The following CASP14 variants were observed in gnomAD, a reference collection of about 807,000 sequenced individuals.
The protein encoded by CASP14 is caspase 14, also known as caspase-14.
CASP14 carries 27 observed loss-of-function variants against 28.4 expected under a neutral mutation model. The ratio of observed to expected loss-of-function variants is 0.95; its 90% CI spans 0.70 to 1.31. CASP14 has a LOEUF of 1.31. CASP14 is among the 50% of genes most tolerant of loss of function. The pLI, the probability that CASP14 is intolerant of heterozygous loss-of-function variation, is 0.00. For synonymous variants in CASP14, 115 were observed against 118.6 expected (o/e 0.97, Z 0.20); for missense variants, 323 against 312.8 (o/e 1.03, Z -0.25).
intron 1 of CASP14, among the ~76,000 whole-genome samples, chr19:15,051,502 C>CAAAA (rs3040744): frequency 0.23 from 19,101 of 84,284 alleles, 2,739 homozygotes; most frequent in East Asian, 0.32. Flanking sequence ...GATTCTGTCT[C>CAAAA]AAAAAAAAAA....
chr19:15,053,436 C>G, intron 2 of CASP14, 46 bp from the exon 3 acceptor site: 1 of 1,611,028 alleles, frequency 6.2e-7, no homozygotes, highest in Non-Finnish European at 8.5e-7. Context: ...ACATCTGCTT[C>G]TCCTTGAACC....
At chr19:15,054,529 G>A (rs2046106675) in intron 4 of CASP14, among the ~76,000 whole-genome samples, 1 of 152,094 alleles carries the variant, frequency 6.6e-6, no homozygotes, top group African/African-American at 2.4e-5. Context: ...GCTGCAGTGA[G>A]CTATGATTAC....
chr19:15,056,102 C>G lies in CASP14; in HGVS notation c.*13C>G. 6.4e-7 allele frequency: 1 copy of G among 1,555,446 alleles called. No individual in the cohort carries two copies. The highest frequency in any genetic ancestry group is 8.8e-7 in the Non-Finnish European group (1 of 1,140,734). ...GTATCTGCAGTAGAAGTAGAAAGAC[C>G]AGGAGGAGCTTTCCTTCCAGCATTC... On this transcript the variant is annotated 3_prime_UTR_variant, in exon 7 of 7. Transcript: ENST00000427043.
chr19:15,053,390 G>A, intron 2 of CASP14, 92 bp from the exon 3 acceptor site: 1 of 1,520,040 alleles, frequency 6.6e-7, no homozygotes, highest in Non-Finnish European at 9.0e-7. Flanking sequence ...TCACAGGCAT[G>A]AGCCACCACA....
chr19:15,049,525 C>G lies in CASP14; in HGVS notation c.-167C>G, dbSNP rs908460156. The G allele has an allele frequency of 6.6e-6, 1 of 152,172 alleles. No homozygotes were observed. Among genetic ancestry groups the G allele is most frequent in the Non-Finnish European group, 1.5e-5 (1 of 68,044 alleles). The allele number at this position is 152,172 out of a possible 1,614,324, so 9.4% of individuals were successfully genotyped here. On this transcript the variant is annotated 5_prime_UTR_variant, in exon 1 of 7. Transcript: ENST00000427043. Reference sequence around the variant, plus strand: ...GAAACCCCGGGAGATTCCACACTGTCAGCCCCTTCTCCAAGATCAGTACGT... The same window carrying G: ...GAAACCCCGGGAGATTCCACACTGTGAGCCCCTTCTCCAAGATCAGTACGT...
In CASP14 at chr19:15,053,767, C is replaced by G. The variant is rs370807238; in HGVS notation, c.212C>G (p.Ala71Gly). The G allele has an allele frequency of 1.2e-6, 2 of 1,613,782 alleles. No individual in the cohort carries two copies. The highest frequency in any genetic ancestry group is 1.7e-4 in the Middle Eastern group (1 of 6,060). Residue 71 changes from alanine (A) to glycine (G), a missense_variant, in exon 4 of 7, where the codon GCC becomes GGC. Ala to Gly is a moderately conservative substitution (Grantham distance 60). Transcript: ENST00000427043. ...GAAGAGCTGGAAAAATTCCAGCAGG[C>G]CATCGATTCCCGGGAAGATCCCGTC... ...FQEELEKFQQ[A>G]IDSREDPVSC...
At chr19:15,054,205 C>A (rs761175301) in intron 4 of CASP14, among the ~76,000 whole-genome samples, 1 of 152,120 alleles carries the variant, frequency 6.6e-6, no homozygotes, top group Non-Finnish European at 1.5e-5. Flanking sequence ...AACTCCTGAG[C>A]TCAAGCAATC....
In CASP14 at chr19:15,055,451, AT is replaced by A; in HGVS notation, c.543del (p.Gln182ArgfsTer25). On this transcript the variant is annotated frameshift_variant, in exon 6 of 7. Transcript: ENST00000427043. LOFTEE classifies it high-confidence loss of function. ...CCAGGATACATCGCCTACCGACATG[AT>A]CAGAAAGGCTCATGCTTTATCCAGA... ...TVEGYIAYRH[D>X]QKGSCFIQTL... The A allele has an allele frequency of 6.2e-7, 1 of 1,614,044 alleles. No individual in the cohort carries two copies. Among genetic ancestry groups the A allele is most frequent in the South Asian group, 1.1e-5 (1 of 91,076 alleles).
intron 1 of CASP14, among the ~76,000 whole-genome samples, chr19:15,049,891 C>T (rs936776584): frequency 1.3e-5 from 2 of 152,040 alleles, no homozygotes; most frequent in Admixed American, 1.3e-4. Flanking sequence ...CACCTCTGTG[C>T]TCCCTGCCAC....
rs2046124830 is a variant in CASP14, at chr19:15,057,865, G to A, written c.*1776G>A. On this transcript the variant is annotated 3_prime_UTR_variant, in exon 7 of 7. Coordinates refer to ENST00000427043, the MANE Select transcript of CASP14 (RefSeq NM_012114.3). ...ATCATGCCAGTGCATCCCAGCTCTA[G>A]GTGAGACAGTGAGATCCGGTCTCCA... The A allele has an allele frequency of 6.6e-6, 1 of 152,230 alleles. No homozygotes were observed. Among genetic ancestry groups the A allele is most frequent in the South Asian group, 2.1e-4 (1 of 4,836 alleles). The allele number at this position is 152,230 out of a possible 1,614,324, so 9.4% of individuals were successfully genotyped here.
chr19:15,051,590 T>A (rs1035197704), intron 1 of CASP14, among the ~76,000 whole-genome samples: 1 of 149,424 alleles, frequency 6.7e-6, no homozygotes, highest in African/African-American at 2.5e-5. Context: ...GCCAAGAGTA[T>A]GACAAAAGTC....
At position 15,057,869 on chromosome 19, in the gene CASP14, A is replaced by C. The variant is rs2046124845; in HGVS notation, c.*1780A>C. On this transcript the variant is annotated 3_prime_UTR_variant, in exon 7 of 7. Coordinates refer to ENST00000427043, the MANE Select transcript of CASP14 (RefSeq NM_012114.3). ...TGCCAGTGCATCCCAGCTCTAGGTG[A>C]GACAGTGAGATCCGGTCTCCAAAAT... is the stretch of plus-strand genomic sequence containing the variant. The C allele has an allele frequency of 6.6e-6, 1 of 152,346 alleles. No homozygotes were observed. Among genetic ancestry groups the C allele is most frequent in the Non-Finnish European group, 1.5e-5 (1 of 68,070 alleles). 9.4% of individuals were successfully genotyped at this position (152,346 alleles called of 1,614,324 possible).
intron 4 of CASP14, among the ~76,000 whole-genome samples, chr19:15,054,619 A>T (rs1168631903): frequency 6.7e-6 from 1 of 149,750 alleles, no homozygotes; most frequent in African/African-American, 2.5e-5. Flanking sequence ...CCCACTGCAC[A>T]TGGCATACCA....
intron 2 of CASP14, among the ~76,000 whole-genome samples, chr19:15,052,998 C>A (rs1303687103): frequency 6.6e-6 from 1 of 152,116 alleles, no homozygotes; most frequent in Non-Finnish European, 1.5e-5. Flanking sequence ...ATATCCCATG[C>A]AATATTTGGG....
Position 15,055,160 on chromosome 19 carries a change from C to T in CASP14, c.406C>T (p.Gln136Ter). 1 of 1,613,406 alleles carries T rather than the reference C, an allele frequency of 6.2e-7. No homozygotes were observed. The highest frequency in any genetic ancestry group is 8.5e-7 in the Non-Finnish European group (1 of 1,179,386). The stretch of plus-strand genomic sequence containing the variant: ...TCCTCCTCTTCTTGTTGTTTCAGAA[C>T]AAAGGGACCCCGGTGAAACAGTAGG... ...VYIIQACRGE[Q>*]RDPGETVGGD... The change falls in exon 5 of 7, where the codon CAA becomes TAA. Residue 136 changes from glutamine (Q) to a stop codon, truncating the protein, a stop_gained and splice_region_variant. Transcript: ENST00000427043. LOFTEE classifies it high-confidence loss of function.
In CASP14 at chr19:15,055,822, T is replaced by TA. The variant is rs369413065; in HGVS notation, c.625-157dup. On this transcript the variant is annotated intron_variant, in intron 6 of 6. Coordinates refer to ENST00000427043, the MANE Select transcript of CASP14 (RefSeq NM_012114.3). ...TTATATGTTTTTATTGCAAATTATT[T>TA]AAAAAATGCCCAGCCAAGGATTCCA... Among the ~76,000 whole-genome samples, 458 of 152,208 alleles carry TA rather than the reference T, an allele frequency of 3.0e-3. 3 individuals are homozygous for TA. Among genetic ancestry groups the TA allele is most frequent in the African/African-American group, 0.01 (418 of 41,528 alleles).
At chr19:15,054,943 T>C in intron 4 of CASP14, 1 of 522,932 alleles carries the variant, frequency 1.9e-6, no homozygotes, top group Non-Finnish European at 3.5e-6. Context: ...GCCCAGCCCT[T>C]ACCTTTCTTT....
intron 2 of CASP14, 62 bp downstream of exon 2, chr19:15,052,340 A>C: frequency 6.8e-7 from 1 of 1,463,358 alleles, no homozygotes; most frequent in Non-Finnish European, 9.1e-7. Context: ...TGAGGATTTT[A>C]ATGTTTTGGA....
intron 1 of CASP14, among the ~76,000 whole-genome samples, chr19:15,050,272 T>G (rs928235510): frequency 2.6e-5 from 4 of 151,284 alleles, no homozygotes; most frequent in Non-Finnish European, 4.4e-5. Context: ...AATCTTTGGC[T>G]CCTCTTTCGT....
Sources: gnomAD v4.1 joint callset for allele counts (sites outside exome capture counted in the v4.1 genomes callset) on GRCh38, gnomAD v4.1.1 for gene constraint, MANE v1.5 for transcripts, NCBI Gene and HGNC (gene_info 2026-07-23, HGNC 2026-07-21) for gene names.